STAT4: variants seen among roughly 807,000 people sequenced by gnomAD.
The protein encoded by STAT4 is signal transducer and activator of transcription 4.
In STAT4, 42 loss-of-function variants were observed where a neutral mutation model predicts 110.5. The observed-to-expected ratio is 0.38, with a 90% CI of 0.30 to 0.49. The LOEUF (loss-of-function observed/expected upper bound fraction) is 0.49, where lower values mean the gene tolerates loss of function less well. Ranked by LOEUF, STAT4 falls within the 20% of genes least tolerant of loss-of-function variation. The probability of loss-of-function intolerance (pLI) is 0.95; values close to 1 mark genes in which losing one functional copy is unlikely to be tolerated. For missense variants in STAT4, 632 were observed against 887.9 expected (o/e 0.71, Z 3.66); for synonymous variants, 284 against 302.2 (o/e 0.94, Z 0.63).
chr2:191,133,640 A>T, intron 3 of STAT4, among the ~76,000 whole-genome samples: 1 of 151,738 alleles, frequency 6.6e-6, no homozygotes, highest in African/African-American at 2.4e-5. Flanking sequence ...TGTTGCTTTA[A>T]TTTTAAAAAA....
chr2:191,056,459 C>T (rs1242572197), intron 13 of STAT4, among the ~76,000 whole-genome samples: 1 of 152,174 alleles, frequency 6.6e-6, no homozygotes, highest in Non-Finnish European at 1.5e-5. Flanking sequence ...CATCCTATTT[C>T]CCCAAGCTAG....
intron 13 of STAT4, 63 bp from the exon 14 acceptor site, chr2:191,054,597 T>C: frequency 6.8e-7 from 1 of 1,467,350 alleles, no homozygotes; most frequent in Non-Finnish European, 9.4e-7. Context: ...ATTAAGTTGG[T>C]CGTACCTGTT....
In STAT4 at chr2:191,091,047, G is replaced by C. The variant is rs1466084017; in HGVS notation, c.274-14722C>G. ...GTACAAAGTCAGAGGACCTGGGTTG[G>C]TGGCTCAGTAACCTTTACTCTGTGA... On this transcript the variant is annotated intron_variant, in intron 3 of 23. Coordinates refer to ENST00000392320, the MANE Select transcript of STAT4 (RefSeq NM_003151.4). The surrounding 1 kb of genome is among the most constrained non-coding windows in gnomAD (Gnocchi z 5.4). 6.6e-6 allele frequency among the ~76,000 whole-genome samples: 1 copy of C among 152,186 alleles called. No homozygotes were observed. The highest frequency in any genetic ancestry group is 1.5e-5 in the Non-Finnish European group (1 of 68,026).
At chr2:191,108,290 CAAA>C (rs67882536) in intron 3 of STAT4, among the ~76,000 whole-genome samples, 2 of 116,768 alleles carry the variant, frequency 1.7e-5, no homozygotes. Context: ...AACTCTATCT[CAAA>C]AAAAAAAAAA....
At chr2:191,122,562 C>T (rs1698767792) in intron 3 of STAT4, among the ~76,000 whole-genome samples, 1 of 152,064 alleles carries the variant, frequency 6.6e-6, no homozygotes, top group Non-Finnish European at 1.5e-5. Context: ...CAAAAATGTT[C>T]CTGAGTTTCA....
At chr2:191,131,770 G>A in intron 3 of STAT4, 1 of 1,300,444 alleles carries the variant, frequency 7.7e-7, no homozygotes, top group Non-Finnish European at 9.9e-7. Flanking sequence ...CCTGTATCTT[G>A]GTTTCCTCAA....
chr2:191,068,115 A>G (rs1414386239), intron 6 of STAT4: 1 of 152,078 alleles, frequency 6.6e-6, no homozygotes, highest in Non-Finnish European at 1.5e-5. Context: ...TTTTCTTTTC[A>G]CTTACAACTG....
rs370883796 is a variant in STAT4, at chr2:191,029,801, T to C, written c.*39A>G. 89 of 1,586,226 alleles carry C rather than the reference T, an allele frequency of 5.6e-5. 1 individual carries two copies. In the African/African-American group the frequency reaches 1.1e-3, roughly 20 times the overall value. ...GGCAAAGAACAGTCTTTAAACTTTT[T>C]CATTTGCTTCCTTTCTTGGTGCGTC... On this transcript the variant is annotated 3_prime_UTR_variant, in exon 24 of 24. Transcript: ENST00000392320. The surrounding 1 kb of genome is among the most constrained non-coding windows in gnomAD (Gnocchi z 4.5).
rs1382186760 is a variant in STAT4 at position 191,107,584 on chromosome 2, C to T, written c.274-31259G>A. 6.6e-6 allele frequency among the ~76,000 whole-genome samples: 1 copy of T among 152,204 alleles called. No homozygotes were observed. Among genetic ancestry groups the T allele is most frequent in the Admixed American group, 6.5e-5 (1 of 15,284 alleles). On this transcript the variant is annotated intron_variant, in intron 3 of 23. Coordinates refer to ENST00000392320, the MANE Select transcript of STAT4 (RefSeq NM_003151.4). The surrounding 1 kb of genome is among the most constrained non-coding windows in gnomAD (Gnocchi z 4.2). Reference sequence around the variant, plus strand: ...GAGGCAGGGTTTTAACCCCAGGTATCTGATCTGCAGACCCATGTACAGTTA... The same window carrying T: ...GAGGCAGGGTTTTAACCCCAGGTATTTGATCTGCAGACCCATGTACAGTTA...
rs977078655 is a variant in STAT4 at position 191,083,976 on chromosome 2, C to A, written c.274-7651G>T. On this transcript the variant is annotated intron_variant, in intron 3 of 23. Transcript: ENST00000392320. The surrounding 1 kb of genome is among the most constrained non-coding windows in gnomAD (Gnocchi z 4.6). The stretch of plus-strand genomic sequence containing the variant: ...TTGATAGGTGTTTTAAGATATAGAA[C>A]TTTGTGGCTGGGTGTGGTGGCTCAC... Among the ~76,000 whole-genome samples, 4 of 152,200 alleles carry A rather than the reference C, an allele frequency of 2.6e-5. No individual in the cohort carries two copies. Among genetic ancestry groups the A allele is most frequent in the Middle Eastern group, 3.4e-3 (1 of 294 alleles).
chr2:191,064,105 TCGG>T (rs1696920746), intron 8 of STAT4, among the ~76,000 whole-genome samples: 5 of 152,246 alleles, frequency 3.3e-5, no homozygotes, highest in Non-Finnish European at 5.9e-5. Context: ...CATACATAGA[TCGG>T]GAATGCCAGC....
intron 3 of STAT4, among the ~76,000 whole-genome samples, chr2:191,122,332 A>G (rs1698760581): frequency 2.6e-5 from 4 of 152,256 alleles, no homozygotes; most frequent in Admixed American, 2.6e-4. Flanking sequence ...AAAATGAAAA[A>G]AAAAAAAAAG....
Position 191,113,443 on chromosome 2 carries a change from A to T in STAT4, c.273+33170T>A, listed in dbSNP as rs1219500222. Among the ~76,000 whole-genome samples, 1 of 152,220 alleles carries T rather than the reference A, an allele frequency of 6.6e-6. No homozygotes were observed. Among genetic ancestry groups the T allele is most frequent in the African/African-American group, 2.4e-5 (1 of 41,462 alleles). ...GCACTTTTTCAAATTTATTGGATTGAAGAGAAGGAAAAGTGCTGAATTTGA... is the reference window on the plus strand; with the variant it reads ...GCACTTTTTCAAATTTATTGGATTGTAGAGAAGGAAAAGTGCTGAATTTGA... On this transcript the variant is annotated intron_variant, in intron 3 of 23. Coordinates refer to ENST00000392320, the MANE Select transcript of STAT4 (RefSeq NM_003151.4). This position sits in a 1 kb window ranked among gnomAD's most constrained non-coding sequence, Gnocchi z 4.8.
chr2:191,085,899 G>C (rs1377919026), intron 3 of STAT4, among the ~76,000 whole-genome samples: 3 of 151,674 alleles, frequency 2.0e-5, no homozygotes, highest in Non-Finnish European at 4.4e-5. Flanking sequence ...TTCTTTTTTT[G>C]TTTTTCAAAG....
chr2:191,137,684 A>T (rs181033252), intron 3 of STAT4, among the ~76,000 whole-genome samples: 171 of 152,312 alleles, frequency 1.1e-3, no homozygotes, highest in African/African-American at 3.8e-3. Context: ...AGACCAATGG[A>T]ACAGAATAGA....
chr2:191,036,123 C>T (rs372623081), intron 17 of STAT4, 41 bp downstream of exon 17: 7 of 1,598,134 alleles, frequency 4.4e-6, no homozygotes, highest in Admixed American at 1.7e-5. Context: ...TGCCTGAGGG[C>T]CAAAAACAGA....
In STAT4 at chr2:191,032,819, G is replaced by T; in HGVS notation, c.2044+139C>A. 1.2e-6 allele frequency: 1 copy of T among 869,534 alleles called. No homozygotes were observed. The highest frequency in any genetic ancestry group is 2.7e-5 in the East Asian group (1 of 36,834). 53.9% of individuals were successfully genotyped at this position (869,534 alleles called of 1,614,324 possible). A position where few individuals can be genotyped will look rare whatever the true frequency, so the allele number is the denominator to read the frequency against. Reference sequence around the variant, plus strand: ...GCTGACATACCACTTCATTTCTAAGGCTTTGACCTCCACATGCCCTTAGAT... The same window carrying T: ...GCTGACATACCACTTCATTTCTAAGTCTTTGACCTCCACATGCCCTTAGAT... On this transcript the variant is annotated intron_variant, in intron 21 of 23. Transcript: ENST00000392320. The surrounding 1 kb of genome is among the most constrained non-coding windows in gnomAD (Gnocchi z 4.9).
At chr2:191,034,069 T>G (rs1695972673) in intron 18 of STAT4, 64 bp from the exon 19 acceptor site, 3 of 1,145,688 alleles carry the variant, frequency 2.6e-6, no homozygotes, top group African/African-American at 1.6e-5. Context: ...ATATAATAAT[T>G]TAAGTTCAAT....
At chr2:191,036,829 C>T (rs1168200454) in intron 16 of STAT4, among the ~76,000 whole-genome samples, 1 of 152,220 alleles carries the variant, frequency 6.6e-6, no homozygotes, top group East Asian at 1.9e-4. Context: ...CCACCAGTAA[C>T]AATTACGCTT....
Sources: allele counts gnomAD v4.1 joint callset (sites outside exome capture counted in the v4.1 genomes callset), GRCh38; gene constraint gnomAD v4.1.1; non-coding constraint Gnocchi (gnomAD v3.1); transcripts MANE v1.5; gene names NCBI Gene and HGNC (gene_info 2026-07-23, HGNC 2026-07-21).